VIT: variants seen among roughly 807,000 people sequenced by gnomAD.
VIT encodes vitrin.
In VIT, 99 loss-of-function variants were observed where a neutral mutation model predicts 78.0. The ratio of observed to expected loss-of-function variants is 1.27; its 90% CI spans 1.08 to 1.50. The LOEUF (loss-of-function observed/expected upper bound fraction) is 1.50. VIT is among the 40% of genes most tolerant of loss of function. The pLI is 0.00. For missense variants in VIT, 1,126 were observed against 875.3 expected (o/e 1.29, Z -3.61); for synonymous variants, 374 against 334.3 (o/e 1.12, Z -1.29).
intron 3 of VIT, among the ~76,000 whole-genome samples, chr2:36,730,747 G>A (rs953376002): frequency 3.9e-5 from 6 of 152,324 alleles, no homozygotes; most frequent in East Asian, 3.9e-4. Flanking sequence ...GGGCTGAGAC[G>A]AATTTTATCG....
In VIT at chr2:36,803,208, C is replaced by A. The variant is rs78043350; in HGVS notation, c.1162+1804C>A. Among the ~76,000 whole-genome samples, 3 of 152,272 alleles carry A rather than the reference C, an allele frequency of 2.0e-5. No individual in the cohort carries two copies. In the East Asian group the frequency reaches 5.8e-4, roughly 29 times the overall value. Reference sequence around the variant, plus strand: ...CCCAAGCACCTCTGCGGACAGTATCCCAGAGAAGTCAGATACTAAAGATAT... The same window carrying A: ...CCCAAGCACCTCTGCGGACAGTATCACAGAGAAGTCAGATACTAAAGATAT... On this transcript the variant is annotated intron_variant, in intron 13 of 15. Coordinates refer to ENST00000379242, the MANE Select transcript of VIT (RefSeq NM_053276.4).
At chr2:36,795,694 C>T (rs1373593476) in intron 12 of VIT, among the ~76,000 whole-genome samples, 2 of 152,220 alleles carry the variant, frequency 1.3e-5, no homozygotes, top group East Asian at 1.9e-4. Context: ...GGATTACAGG[C>T]GCCCAGCCCA....
At chr2:36,761,046 A>AT (rs946716565) in intron 6 of VIT, among the ~76,000 whole-genome samples, 7 of 151,812 alleles carry the variant, frequency 4.6e-5, no homozygotes, top group Admixed American at 3.3e-4. Flanking sequence ...AGCACCCCCT[A>AT]TTTTTACCAT....
In VIT at chr2:36,814,368, A is replaced by T; in HGVS notation, c.*7A>T. The T allele has an allele frequency of 6.2e-7, 1 of 1,613,722 alleles. No homozygotes were observed. The highest frequency in any genetic ancestry group is 8.5e-7 in the Non-Finnish European group (1 of 1,179,730). On this transcript the variant is annotated 3_prime_UTR_variant, in exon 16 of 16. Coordinates refer to ENST00000379242, the MANE Select transcript of VIT (RefSeq NM_053276.4). ...CTCACAGCCTCGGAACTGAATTCAG[A>T]GCAGGCAGAGCACCAGCAAGTGCTG...
intron 1 of VIT, among the ~76,000 whole-genome samples, chr2:36,706,674 T>C (rs1665446987): frequency 6.6e-6 from 1 of 152,244 alleles, no homozygotes; most frequent in African/African-American, 2.4e-5. Flanking sequence ...TTTCTTTTTT[T>C]GCTAGATCAC....
intron 3 of VIT, among the ~76,000 whole-genome samples, chr2:36,730,287 A>G (rs75715910): frequency 1.9e-5 from 2 of 103,360 alleles, no homozygotes; most frequent in African/African-American, 6.9e-5. Context: ...GACTGTGTGG[A>G]AAAAAAAAAA....
intron 2 of VIT, among the ~76,000 whole-genome samples, chr2:36,721,759 T>TC (rs1433649714): frequency 6.6e-6 from 1 of 152,180 alleles, no homozygotes; most frequent in East Asian, 1.9e-4. Flanking sequence ...GAACATGCCT[T>TC]CCTGGAATGC....
At chr2:36,711,919 A>T (rs1465104444) in intron 1 of VIT, among the ~76,000 whole-genome samples, 3 of 152,166 alleles carry the variant, frequency 2.0e-5, no homozygotes, top group Non-Finnish European at 4.4e-5. Flanking sequence ...GGGATTCTTT[A>T]TGTTATATCT....
Position 36,775,015 on chromosome 2 carries a change from A to G in VIT, c.750A>G (p.Gln250=), listed in dbSNP as rs146160482. Residue 250 remains glutamine, a synonymous_variant, in exon 9 of 16, where the codon CAA becomes CAG. Transcript: ENST00000379242. ...RPRADPGIQR[Q]DPSGAAFQKP... is the part of the protein sequence containing the mutation. Reference sequence around the variant, plus strand: ...TAATCCCCTCAGGTATCCAAAGGCAAGATCCTTCAGGAGCTGCCTTCCAGA... The same window carrying G: ...TAATCCCCTCAGGTATCCAAAGGCAGGATCCTTCAGGAGCTGCCTTCCAGA... 1.1e-5 allele frequency: 18 copies of G among 1,614,042 alleles called. No homozygotes were observed. Among genetic ancestry groups the G allele is most frequent in the Non-Finnish European group, 1.5e-5 (18 of 1,180,026 alleles).
Position 36,805,499 on chromosome 2 carries a change from G to A in VIT, c.1224G>A (p.Gly408=), listed in dbSNP as rs1157994857. 6.2e-7 allele frequency: 1 copy of A among 1,613,948 alleles called. No homozygotes were observed. The highest frequency in any genetic ancestry group is 2.2e-5 in the East Asian group (1 of 44,868). ...FFSKANGNRS[G]APNVVVVMVD... is the part of the protein sequence containing the mutation. ...CCAAAGCCAATGGAAACAGAAGCGG[G>A]GCTCCCAATGTGGTGGTGGTGATGG... Residue 408 remains glycine, a synonymous_variant, in exon 14 of 16, where the codon GGG becomes GGA. Transcript: ENST00000379242.
intron 4 of VIT, among the ~76,000 whole-genome samples, chr2:36,748,562 T>C (rs1668274768): frequency 6.6e-6 from 1 of 152,250 alleles, no homozygotes; most frequent in Non-Finnish European, 1.5e-5. Context: ...GAAATTCCTG[T>C]AGTAAATTTT....
chr2:36,726,104 A>G (rs17019615), intron 2 of VIT, among the ~76,000 whole-genome samples: 24,791 of 151,982 alleles, frequency 0.16, 2,317 homozygotes, highest in African/African-American at 0.24. Context: ...AAATTTTCAC[A>G]ATATGTATCA....
rs755389919 is a variant in VIT, at chr2:36,729,382, G to A, written c.53-44G>A. 4.0e-6 allele frequency: 6 copies of A among 1,511,306 alleles called. No individual in the cohort carries two copies. In the African/African-American group the frequency reaches 4.2e-5, roughly 11 times the overall value. The allele number at this position is 1,511,306 out of a possible 1,614,324, so 93.6% of individuals were successfully genotyped here. A position where few individuals can be genotyped will look rare whatever the true frequency, so the allele number is the denominator to read the frequency against. On this transcript the variant is annotated intron_variant, in intron 2 of 15. Transcript: ENST00000379242. The stretch of plus-strand genomic sequence containing the variant: ...ATGAGTCAAAAGAGAAAGAATTTAA[G>A]TAAAATAAAATTGATTAAATTTTTA...
chr2:36,718,919 T>G (rs1666326989), intron 2 of VIT, among the ~76,000 whole-genome samples: 1 of 152,262 alleles, frequency 6.6e-6, no homozygotes, highest in Admixed American at 6.5e-5. Context: ...GCTACCTCTC[T>G]TTTCATTCTA....
chr2:36,796,030 G>A (rs1446927909), intron 12 of VIT, among the ~76,000 whole-genome samples: 1 of 150,620 alleles, frequency 6.6e-6, no homozygotes, highest in Non-Finnish European at 1.5e-5. Flanking sequence ...ACTCCAGAAA[G>A]TACTGAAATA....
At chr2:36,720,997 C>T (rs912354061) in intron 2 of VIT, among the ~76,000 whole-genome samples, 3 of 147,878 alleles carry the variant, frequency 2.0e-5, no homozygotes, top group Non-Finnish European at 3.0e-5. Context: ...GCAACAACAG[C>T]GAGACTCCAT....
In VIT at chr2:36,734,943, C is replaced by T. The variant is rs566889932; in HGVS notation, c.118+5452C>T. On this transcript the variant is annotated intron_variant, in intron 3 of 15. Transcript: ENST00000379242. ...CTTTGGGAGGCCGAGGCAGGTGGAT[C>T]GCCTGAGGTCAGGAGTTCGAGACCA... is the stretch of plus-strand genomic sequence containing the variant. Among the ~76,000 whole-genome samples, 10 of 152,180 alleles carry T rather than the reference C, an allele frequency of 6.6e-5. No individual in the cohort carries two copies. In the East Asian group the frequency reaches 1.7e-3, roughly 27 times the overall value.
At position 36,775,152 on chromosome 2, in the gene VIT, T is replaced by C. The variant is rs1297149608; in HGVS notation, c.802+85T>C. On this transcript the variant is annotated intron_variant, in intron 9 of 15. Coordinates refer to ENST00000379242, the MANE Select transcript of VIT (RefSeq NM_053276.4). ...AAACATGAGGACCTCCCCACACACT[T>C]GTTCTTGGCCTCTGCAGCTCAACTT... 2.7e-6 allele frequency: 4 copies of C among 1,507,502 alleles called. No homozygotes were observed. In the Admixed American group the frequency reaches 7.4e-5, roughly 28 times the overall value. The allele number at this position is 1,507,502 out of a possible 1,614,324, so 93.4% of individuals were successfully genotyped here. A position where few individuals can be genotyped will look rare whatever the true frequency, so the allele number is the denominator to read the frequency against.
At chr2:36,791,894 T>C (rs377484119) in intron 12 of VIT, among the ~76,000 whole-genome samples, 4 of 151,854 alleles carry the variant, frequency 2.6e-5, no homozygotes, top group African/African-American at 7.3e-5. Context: ...CTAATACAAC[T>C]GGCAACGAGG....
Sources: allele counts gnomAD v4.1 joint callset (sites outside exome capture counted in the v4.1 genomes callset), GRCh38; gene constraint gnomAD v4.1.1; transcripts MANE v1.5; gene names NCBI Gene and HGNC (gene_info 2026-07-23, HGNC 2026-07-21).